RGS7: variants seen among roughly 807,000 people sequenced by gnomAD.
RGS7 encodes the protein regulator of G-protein signaling 7.
In RGS7, 27 loss-of-function variants were observed where a neutral mutation model predicts 81.1. That is an observed-to-expected ratio of 0.33 (90% CI 0.25 to 0.46). RGS7 has a LOEUF of 0.46. Among genes scored for constraint, RGS7 ranks in the 20% least tolerant of loss-of-function variants. RGS7 has a pLI of 1.00. For missense variants in RGS7, 396 were observed against 607.4 expected (o/e 0.65, Z 3.66); for synonymous variants, 208 against 207.7 (o/e 1.00, Z -0.01).
chr1:241,270,759 C>G (rs550825685), intron 2 of RGS7, among the ~76,000 whole-genome samples: 1 of 149,728 alleles, frequency 6.7e-6, no homozygotes, highest in Non-Finnish European at 1.5e-5. Context: ...AAACCCCCCC[C>G]CCTTTTTTTT....
chr1:241,159,327 T>C (rs1487618452), intron 2 of RGS7, among the ~76,000 whole-genome samples: 1 of 152,156 alleles, frequency 6.6e-6, no homozygotes, highest in African/African-American at 2.4e-5. Context: ...CCCTTACTCC[T>C]CCTAATCGCC....
intron 6 of RGS7, among the ~76,000 whole-genome samples, chr1:240,883,995 G>A (rs12741856): frequency 0.078 from 11,396 of 145,590 alleles, 575 homozygotes; most frequent in Middle Eastern, 0.15. Context: ...AGAATCGCTC[G>A]AACCTGGGAG....
At position 241,195,122 on chromosome 1, in the gene RGS7, T is replaced by C. The variant is rs115458648; in HGVS notation, c.79-96360A>G. Among the ~76,000 whole-genome samples the C allele has an allele frequency of 3.7e-3, 558 of 152,334 alleles. 4 individuals are homozygous for C. Among genetic ancestry groups the C allele is most frequent in the African/African-American group, 0.013 (546 of 41,578 alleles). Reference sequence around the variant, plus strand: ...AAAAACATTCACTGAAGCCTCAAAATGCCTTGCAAGTTTTCATCTAAAATG... The same window carrying C: ...AAAAACATTCACTGAAGCCTCAAAACGCCTTGCAAGTTTTCATCTAAAATG... On this transcript the variant is annotated intron_variant, in intron 2 of 18. Transcript: ENST00000440928.
chr1:240,798,122 T>C (rs761273001), intron 18 of RGS7, among the ~76,000 whole-genome samples: 2 of 152,196 alleles, frequency 1.3e-5, no homozygotes, highest in African/African-American at 2.4e-5. Context: ...AAAAAGGTGA[T>C]ACCTGCCTGA....
intron 6 of RGS7, among the ~76,000 whole-genome samples, chr1:240,870,925 G>T (rs1475220332): frequency 6.6e-6 from 1 of 152,130 alleles, no homozygotes; most frequent in African/African-American, 2.4e-5. Context: ...TAGGAGAAGG[G>T]TATCACATCT....
At chr1:240,896,425 T>C (rs554038222) in intron 6 of RGS7, among the ~76,000 whole-genome samples, 2 of 152,338 alleles carry the variant, frequency 1.3e-5, no homozygotes, top group Admixed American at 1.3e-4. Flanking sequence ...AGGTCTAACA[T>C]TTAAGTCTTT....
At chr1:240,995,791 A>G (rs1391649126) in intron 3 of RGS7, among the ~76,000 whole-genome samples, 1 of 151,302 alleles carries the variant, frequency 6.6e-6, no homozygotes, top group African/African-American at 2.4e-5. Flanking sequence ...TGGTTTTTAA[A>G]TTATTTGAAT....
chr1:240,821,977 C>G (rs1280628550), intron 10 of RGS7, among the ~76,000 whole-genome samples: 1 of 152,160 alleles, frequency 6.6e-6, no homozygotes, highest in Non-Finnish European at 1.5e-5. Context: ...AAGGATACAG[C>G]CTGTGGTGGT....
intron 3 of RGS7, among the ~76,000 whole-genome samples, chr1:241,001,435 T>C (rs1397435534): frequency 1.3e-5 from 2 of 152,136 alleles, no homozygotes; most frequent in Non-Finnish European, 2.9e-5. Context: ...TAGTAAGGCT[T>C]TCTAATTAAG....
At chr1:240,927,627 C>A (rs1025475826) in intron 6 of RGS7, among the ~76,000 whole-genome samples, 6 of 152,282 alleles carry the variant, frequency 3.9e-5, no homozygotes, top group South Asian at 2.1e-4. Flanking sequence ...GAAAATGAAG[C>A]ATCATTGCCT....
At chr1:240,872,540 T>C (rs1265415276) in intron 6 of RGS7, among the ~76,000 whole-genome samples, 1 of 152,224 alleles carries the variant, frequency 6.6e-6, no homozygotes, top group Non-Finnish European at 1.5e-5. Context: ...ATCTGGTAAC[T>C]GTTGAAGATA....
intron 3 of RGS7, among the ~76,000 whole-genome samples, chr1:241,003,785 T>C (rs982946178): frequency 6.6e-6 from 1 of 152,276 alleles, no homozygotes; most frequent in African/African-American, 2.4e-5. Context: ...AGTCTCGCTC[T>C]GTCACCAGGC....
At chr1:240,971,460 G>GC (rs1402525789) in intron 4 of RGS7, among the ~76,000 whole-genome samples, 1 of 152,160 alleles carries the variant, frequency 6.6e-6, no homozygotes, top group Non-Finnish European at 1.5e-5. Flanking sequence ...TATAGTTCTT[G>GC]CTCATCTCAC....
chr1:241,302,832 T>A (rs1345007429), intron 2 of RGS7, among the ~76,000 whole-genome samples: 1 of 152,054 alleles, frequency 6.6e-6, no homozygotes, highest in Non-Finnish European at 1.5e-5. Flanking sequence ...CAACCATAAG[T>A]ATTTCAGTAG....
intron 3 of RGS7, among the ~76,000 whole-genome samples, chr1:241,017,509 T>C (rs532386016): frequency 1.2e-4 from 18 of 152,008 alleles, no homozygotes; most frequent in African/African-American, 4.3e-4. Context: ...CTTTTTTTTA[T>C]GTTGCTTCTT....
At chr1:240,944,775 G>A (rs772173449) in intron 4 of RGS7, among the ~76,000 whole-genome samples, 1 of 152,164 alleles carries the variant, frequency 6.6e-6, no homozygotes, top group East Asian at 1.9e-4. Context: ...GTGCAGTGGC[G>A]CGATCTTCGC....
intron 4 of RGS7, among the ~76,000 whole-genome samples, chr1:240,940,378 G>A (rs1028088439): frequency 5.9e-5 from 9 of 152,148 alleles, no homozygotes; most frequent in African/African-American, 2.2e-4. Flanking sequence ...GTATCCACCT[G>A]GTCTCCAGAT....
chr1:240,898,898 T>C (rs966623859), intron 6 of RGS7, among the ~76,000 whole-genome samples: 6 of 152,184 alleles, frequency 3.9e-5, no homozygotes, highest in Admixed American at 6.6e-5. Flanking sequence ...AAATCTCCCA[T>C]TATTACTGTG....
chr1:241,256,729 C>A (rs1224955068), intron 2 of RGS7, among the ~76,000 whole-genome samples: 1 of 151,996 alleles, frequency 6.6e-6, no homozygotes, highest in Non-Finnish European at 1.5e-5. Flanking sequence ...TGTGTCTCTT[C>A]TTATAGGGGC....
Sources: gnomAD v4.1 joint callset for allele counts (sites outside exome capture counted in the v4.1 genomes callset) on GRCh38, gnomAD v4.1.1 for gene constraint, MANE v1.5 for transcripts, NCBI Gene and HGNC (gene_info 2026-07-23, HGNC 2026-07-21) for gene names.